Variants in GALNT17 observed in about 807,000 individuals in gnomAD.
GALNT17 encodes the protein polypeptide N-acetylgalactosaminyltransferase 17.
Under a neutral mutation model 63.7 loss-of-function variants are expected in GALNT17, and 29 were observed. That is an observed-to-expected ratio of 0.46 (90% CI 0.34 to 0.62). The LOEUF (loss-of-function observed/expected upper bound fraction) is 0.62, where lower values mean the gene tolerates loss of function less well. Ranked by LOEUF, GALNT17 falls within the 20% of genes least tolerant of loss-of-function variation. GALNT17 has a pLI of 0.01. For missense variants in GALNT17, 603 were observed against 799.6 expected (o/e 0.75, Z 2.97); for synonymous variants, 305 against 318.3 (o/e 0.96, Z 0.45).
intron 5 of GALNT17, among the ~76,000 whole-genome samples, chr7:71,547,901 C>G (rs1160340019): frequency 6.6e-6 from 1 of 151,706 alleles, no homozygotes; most frequent in Non-Finnish European, 1.5e-5. Flanking sequence ...TTGTGTGAAT[C>G]GATTTAGTTG....
At chr7:71,501,122 C>T (rs1788173980) in intron 5 of GALNT17, among the ~76,000 whole-genome samples, 1 of 151,792 alleles carries the variant, frequency 6.6e-6, no homozygotes, top group Non-Finnish European at 1.5e-5. Flanking sequence ...CGCGCTACCA[C>T]CATGCTCAGC....
intron 1 of GALNT17, among the ~76,000 whole-genome samples, chr7:71,256,598 A>C (rs770399189): frequency 1.2e-4 from 18 of 152,028 alleles, no homozygotes; most frequent in Non-Finnish European, 1.9e-4. Context: ...AAAACCAAAA[A>C]CAAAAAAACA....
intron 5 of GALNT17, among the ~76,000 whole-genome samples, chr7:71,567,822 C>T (rs929375504): frequency 4.6e-5 from 7 of 152,174 alleles, no homozygotes; most frequent in Non-Finnish European, 7.3e-5. Context: ...TTATAGTCTT[C>T]GGTGGCAGCA....
chr7:71,513,251 C>T (rs74301503), intron 5 of GALNT17, among the ~76,000 whole-genome samples: 2 of 152,108 alleles, frequency 1.3e-5, no homozygotes, highest in Admixed American at 6.5e-5. Context: ...TACACCACTC[C>T]ACGATTGGAA....
Position 71,255,042 on chromosome 7 carries a change from C to T in GALNT17, c.239-80508C>T, listed in dbSNP as rs187748492. ...GGGAGTGGGGAAGAATCTAGACTCA[C>T]AGGATGTTCAAGTTAGAACATTTCC... On this transcript the variant is annotated intron_variant, in intron 1 of 10. Coordinates refer to ENST00000333538, the MANE Select transcript of GALNT17 (RefSeq NM_022479.3). Among the ~76,000 whole-genome samples, 100 of 152,346 alleles carry T rather than the reference C, an allele frequency of 6.6e-4. 1 individual carries two copies. Among genetic ancestry groups the T allele is most frequent in the Non-Finnish European group, 1.2e-3 (81 of 68,036 alleles).
At chr7:71,382,997 A>T (rs1257408826) in intron 2 of GALNT17, among the ~76,000 whole-genome samples, 1 of 152,118 alleles carries the variant, frequency 6.6e-6, no homozygotes, top group African/African-American at 2.4e-5. Context: ...CCCAATCACA[A>T]TAATTTCCCA....
intron 6 of GALNT17, among the ~76,000 whole-genome samples, chr7:71,588,799 C>T (rs1049583420): frequency 7.2e-5 from 11 of 152,018 alleles, no homozygotes; most frequent in Non-Finnish European, 1.3e-4. Flanking sequence ...CTCATGAATC[C>T]AGCTGGAAGC....
chr7:71,511,537 G>T (rs925209337), intron 5 of GALNT17, among the ~76,000 whole-genome samples: 15 of 152,224 alleles, frequency 9.9e-5, no homozygotes, highest in Admixed American at 2.0e-4. Flanking sequence ...TTCCTGCAAG[G>T]CTTCTCCAGC....
intron 1 of GALNT17, among the ~76,000 whole-genome samples, chr7:71,138,988 A>AATAC (rs1267263845): frequency 6.6e-6 from 1 of 152,106 alleles, no homozygotes; most frequent in African/African-American, 2.4e-5. Flanking sequence ...TAAATAAATA[A>AATAC]AATAAAAAAG....
intron 1 of GALNT17, among the ~76,000 whole-genome samples, chr7:71,196,222 T>G (rs1261487768): frequency 6.6e-6 from 1 of 151,660 alleles, no homozygotes. Flanking sequence ...CCCTGCAAAC[T>G]CCGCCTCCAG....
intron 6 of GALNT17, among the ~76,000 whole-genome samples, chr7:71,572,503 T>TAAA (rs1789460162): frequency 5.9e-4 from 2 of 3,416 alleles, no homozygotes; most frequent in Admixed American, 5.2e-3. Flanking sequence ...CCCTGTCTCA[T>TAAA]TAAAAAAAAA....
chr7:71,274,904 A>G (rs908994424), intron 1 of GALNT17, among the ~76,000 whole-genome samples: 3 of 152,186 alleles, frequency 2.0e-5, no homozygotes, highest in Non-Finnish European at 4.4e-5. Context: ...CCTGCCAACA[A>G]CATTGTTATA....
At chr7:71,373,630 C>G (rs1792667994) in intron 2 of GALNT17, among the ~76,000 whole-genome samples, 1 of 152,188 alleles carries the variant, frequency 6.6e-6, no homozygotes, top group Admixed American at 6.5e-5. Flanking sequence ...TCAGCGGCAG[C>G]ATTGAATGCT....
intron 1 of GALNT17, among the ~76,000 whole-genome samples, chr7:71,321,963 T>A (rs1791625263): frequency 7.7e-6 from 1 of 129,608 alleles, no homozygotes. Context: ...CTTCCTTCCT[T>A]TTTTTTGAGA....
intron 5 of GALNT17, among the ~76,000 whole-genome samples, chr7:71,499,641 G>C (rs908572581): frequency 6.6e-6 from 1 of 152,174 alleles, no homozygotes; most frequent in Non-Finnish European, 1.5e-5. Context: ...AAAGAAGACT[G>C]TTTTCTCTGG....
At chr7:71,496,738 G>C (rs184790398) in intron 5 of GALNT17, among the ~76,000 whole-genome samples, 14 of 151,860 alleles carry the variant, frequency 9.2e-5, no homozygotes, top group African/African-American at 3.4e-4. Context: ...CAATTGAACC[G>C]GCCTAAATAT....
At chr7:71,357,461 C>A (rs1333820440) in intron 2 of GALNT17, among the ~76,000 whole-genome samples, 1 of 152,180 alleles carries the variant, frequency 6.6e-6, no homozygotes, top group Admixed American at 6.5e-5. Context: ...AAACTGGCCC[C>A]TGGTCTCAAA....
intron 5 of GALNT17, among the ~76,000 whole-genome samples, chr7:71,441,310 C>T (rs1787062984): frequency 6.6e-6 from 1 of 152,120 alleles, no homozygotes; most frequent in South Asian, 2.1e-4. Flanking sequence ...ATTGGGAAGT[C>T]AATCATGAGT....
chr7:71,371,749 G>C (rs1792627083), intron 2 of GALNT17, among the ~76,000 whole-genome samples: 2 of 152,100 alleles, frequency 1.3e-5, no homozygotes, highest in Admixed American at 1.3e-4. Flanking sequence ...TCTATCTGCA[G>C]TTGGTTTTGA....
Sources: allele counts gnomAD v4.1 joint callset (sites outside exome capture counted in the v4.1 genomes callset), GRCh38; gene constraint gnomAD v4.1.1; transcripts MANE v1.5; gene names NCBI Gene and HGNC (gene_info 2026-07-23, HGNC 2026-07-21).